EXO1: variants seen among roughly 807,000 people sequenced by gnomAD.
EXO1 encodes the protein exonuclease 1.
A neutral mutation model predicts 84.5 loss-of-function variants in EXO1; 69 were observed. The ratio of observed to expected loss-of-function variants is 0.82; its 90% CI spans 0.67 to 1.00. The LOEUF is 1.00. Among genes scored for constraint, EXO1 ranks in the 50% least tolerant of loss-of-function variants. The pLI, the probability that EXO1 is intolerant of heterozygous loss-of-function variation, is 0.00. For synonymous variants in EXO1, 373 were observed against 366.1 expected (o/e 1.02, Z -0.21); for missense variants, 1,045 against 1,000.7 (o/e 1.04, Z -0.60).
At chr1:241,874,321 C>T (rs1387914499) in intron 12 of EXO1, among the ~76,000 whole-genome samples, 2 of 152,202 alleles carry the variant, frequency 1.3e-5, no homozygotes, top group East Asian at 3.8e-4. Context: ...ATTGCTTGAA[C>T]CCGGGAGGAG....
At chr1:241,880,276 G>T (rs1205082170) in intron 13 of EXO1, among the ~76,000 whole-genome samples, 1 of 152,062 alleles carries the variant, frequency 6.6e-6, no homozygotes, top group Non-Finnish European at 1.5e-5. Flanking sequence ...TGGGTACCAC[G>T]GCAGTGGCTA....
At chr1:241,873,227 C>T (rs571533773) in intron 12 of EXO1, among the ~76,000 whole-genome samples, 1 of 152,064 alleles carries the variant, frequency 6.6e-6, no homozygotes, top group Admixed American at 6.6e-5. Context: ...CTCCTCCCTC[C>T]CCCCAATTGT....
intron 14 of EXO1, among the ~76,000 whole-genome samples, chr1:241,884,956 C>T (rs952035307): frequency 4.0e-4 from 61 of 152,024 alleles, no homozygotes; most frequent in African/African-American, 1.5e-3. Context: ...GCCTGTAATC[C>T]CAGCGCTTTG....
intron 4 of EXO1, among the ~76,000 whole-genome samples, chr1:241,850,836 C>CTT (rs10641736): frequency 0.41 from 43,045 of 104,692 alleles, 9,326 homozygotes; most frequent in East Asian, 0.63. Flanking sequence ...CTCCTTTATT[C>CTT]TTTTTTTTTT....
chr1:241,853,225 C>G (rs1057154199), intron 5 of EXO1, 133 bp from the exon 6 acceptor site: 1 of 850,990 alleles, frequency 1.2e-6, no homozygotes, highest in African/African-American at 1.7e-5. Context: ...TTCTCAAGGG[C>G]CTGGTGTGTA....
intron 13 of EXO1, among the ~76,000 whole-genome samples, chr1:241,881,610 A>C (rs1357032429): frequency 1.3e-5 from 2 of 152,230 alleles, no homozygotes; most frequent in African/African-American, 4.8e-5. Context: ...TGCGTAACGC[A>C]GCGTTTTTAC....
Position 241,867,744 on chromosome 1 carries a change from C to A in EXO1, c.1267+689C>A, listed in dbSNP as rs142839232. Among the ~76,000 whole-genome samples, 314 of 152,076 alleles carry A rather than the reference C, an allele frequency of 2.1e-3. 1 individual carries two copies. The highest frequency in any genetic ancestry group is 7.0e-3 in the African/African-American group (292 of 41,484). On this transcript the variant is annotated intron_variant, in intron 11 of 15. Coordinates refer to ENST00000366548, the MANE Select transcript of EXO1 (RefSeq NM_130398.4). ...ATCAGCTGACCACATATATGTGGAT[C>A]TTTTTCTGAACTCTGTTATTCTATA... is the stretch of plus-strand genomic sequence containing the variant.
At chr1:241,851,665 A>C (rs1660676673) in intron 4 of EXO1, among the ~76,000 whole-genome samples, 1 of 152,182 alleles carries the variant, frequency 6.6e-6, no homozygotes, top group Non-Finnish European at 1.5e-5. Flanking sequence ...AGCTCTTTAT[A>C]CACCATGTCT....
At chr1:241,876,299 C>T (rs1374313768) in intron 12 of EXO1, among the ~76,000 whole-genome samples, 1 of 152,170 alleles carries the variant, frequency 6.6e-6, no homozygotes, top group Non-Finnish European at 1.5e-5. Flanking sequence ...CTGATAATGA[C>T]TAGACAGGGT....
intron 6 of EXO1, among the ~76,000 whole-genome samples, chr1:241,855,120 C>T (rs1442666054): frequency 1.3e-5 from 2 of 152,156 alleles, no homozygotes; most frequent in Admixed American, 1.3e-4. Flanking sequence ...GGAAGGGGAC[C>T]TAAGTGGGTT....
chr1:241,857,898 A>G (rs1048424060), intron 7 of EXO1, among the ~76,000 whole-genome samples: 4 of 152,190 alleles, frequency 2.6e-5, no homozygotes, highest in African/African-American at 9.7e-5. Flanking sequence ...AAGGGTTGCC[A>G]TGCAGTTATT....
At chr1:241,881,310 G>A (rs1172973916) in intron 13 of EXO1, among the ~76,000 whole-genome samples, 1 of 152,158 alleles carries the variant, frequency 6.6e-6, no homozygotes, top group Non-Finnish European at 1.5e-5. Context: ...GGGATTACAG[G>A]CATGAGCCAC....
chr1:241,879,068 T>A lies in EXO1; in HGVS notation c.1834T>A (p.Ser612Thr). The change falls in exon 13 of 16, where the codon TCT becomes ACT. Residue 612 changes from serine to threonine, a missense_variant. By Grantham distance (58) the Ser-to-Thr change is moderately conservative. Coordinates refer to ENST00000366548, the MANE Select transcript of EXO1 (RefSeq NM_130398.4). ...LGTLRSCFSW[S>T]GGLGDFSRTP... ...AACACTAAGAAGTTGTTTTAGTTGG[T>A]CTGGAGGTCTTGGAGATTTTTCAAG... 6.2e-7 allele frequency: 1 copy of A among 1,614,200 alleles called. No individual in the cohort carries two copies. Among genetic ancestry groups the A allele is most frequent in the Non-Finnish European group, 8.5e-7 (1 of 1,180,024 alleles).
chr1:241,878,983 A>C lies in EXO1; in HGVS notation c.1749A>C (p.Glu583Asp). Residue 583 changes from glutamate to aspartate, a missense_variant, in exon 13 of 16, where the codon GAA (glutamate) becomes GAC (aspartate). Glu to Asp is a conservative substitution (Grantham distance 45). Coordinates refer to ENST00000366548, the MANE Select transcript of EXO1 (RefSeq NM_130398.4). ...ACAAGGCAACAGTGTTTACAGATGA[A>C]GAGTCCTACTCTTTTGAGAGCAGCA... The part of the protein sequence containing the change: ...IPDKATVFTD[E>D]ESYSFESSKF... The C allele has an allele frequency of 6.2e-7, 1 of 1,614,138 alleles. No individual in the cohort carries two copies. Among genetic ancestry groups the C allele is most frequent in the South Asian group, 1.1e-5 (1 of 91,078 alleles).
At chr1:241,886,302 A>T (rs1663066484) in intron 15 of EXO1, among the ~76,000 whole-genome samples, 1 of 152,248 alleles carries the variant, frequency 6.6e-6, no homozygotes, top group Non-Finnish European at 1.5e-5. Flanking sequence ...AAAAGAATTC[A>T]TCTTCTATAT....
Position 241,858,676 on chromosome 1 carries a change from A to G in EXO1, c.714A>G (p.Ala238=), listed in dbSNP as rs1661203207. 6.2e-7 allele frequency: 1 copy of G among 1,613,986 alleles called. No homozygotes were observed. Residue 238 remains alanine, a synonymous_variant, in exon 8 of 16, where the codon GCA becomes GCG. Coordinates refer to ENST00000366548, the MANE Select transcript of EXO1 (RefSeq NM_130398.4). ...TGCGTGGGATTGGATTAGCAAAGGC[A>G]TGCAAAGTCCTAAGACTAGCCAATA... is the stretch of plus-strand genomic sequence containing the variant. ...SSLRGIGLAK[A]CKVLRLANNP... is the part of the protein sequence containing the mutation.
At chr1:241,884,528 A>G (rs1574188210) in intron 14 of EXO1, among the ~76,000 whole-genome samples, 1 of 152,240 alleles carries the variant, frequency 6.6e-6, no homozygotes, top group Admixed American at 6.5e-5. Context: ...CAGGCAACCT[A>G]TTCAAAATAA....
rs1318328675 is a variant in EXO1, at chr1:241,853,494, G to A, written c.405+13G>A. Reference sequence around the variant, plus strand: ...CAAAGTAATTAAAGTAAGACAAAGGGGCAGATGGGCAAGTTCACCAAAGCT... The same window carrying A: ...CAAAGTAATTAAAGTAAGACAAAGGAGCAGATGGGCAAGTTCACCAAAGCT... On this transcript the variant is annotated intron_variant, in intron 6 of 15. Coordinates refer to ENST00000366548, the MANE Select transcript of EXO1 (RefSeq NM_130398.4). The A allele has an allele frequency of 1.9e-6, 3 of 1,613,720 alleles. No individual in the cohort carries two copies. The highest frequency in any genetic ancestry group is 1.3e-5 in the African/African-American group (1 of 74,932).
chr1:241,889,403 A>T, intron 15 of EXO1, 62 bp from the exon 16 acceptor site: 1 of 1,466,662 alleles, frequency 6.8e-7, no homozygotes, highest in East Asian at 2.3e-5. Context: ...TCCAGGTAGA[A>T]TATTTCTTCT....
Sources: gnomAD v4.1 joint callset for allele counts (sites outside exome capture counted in the v4.1 genomes callset) on GRCh38, gnomAD v4.1.1 for gene constraint, MANE v1.5 for transcripts, NCBI Gene and HGNC (gene_info 2026-07-23, HGNC 2026-07-21) for gene names.